Variants in ZBTB16 observed in about 807,000 individuals in gnomAD.
The protein encoded by ZBTB16 is zinc finger and BTB domain containing 16.
In ZBTB16, 8 loss-of-function variants were observed where a neutral mutation model predicts 56.8. That is an observed-to-expected ratio of 0.14 (90% CI 0.08 to 0.25). The LOEUF is 0.25. Ranked by LOEUF, ZBTB16 falls within the 10% of genes least tolerant of loss-of-function variation. The probability of loss-of-function intolerance (pLI) is 1.00; values close to 1 mark genes in which losing one functional copy is unlikely to be tolerated. For synonymous variants in ZBTB16, 363 were observed against 368.5 expected, an observed-to-expected ratio of 0.98 and a Z score of 0.17; for missense variants, 625 against 903.0, an observed-to-expected ratio of 0.69 and a Z score of 3.95.
intron 2 of ZBTB16, among the ~76,000 whole-genome samples, chr11:114,071,451 A>T (rs1446793076): frequency 6.6e-6 from 1 of 152,130 alleles, no homozygotes; most frequent in Non-Finnish European, 1.5e-5. Context: ...GGAGGGAGAA[A>T]GCTATAGTTT....
In ZBTB16 at chr11:114,252,440, A is replaced by G. The variant is rs1944933537; in HGVS notation, c.*1885A>G. ...TTGGGGTGGGGGTGTTGTTTTTCTA[A>G]AAGCTACCTCTTATGTTTGTCCAGT... On this transcript the variant is annotated 3_prime_UTR_variant, in exon 7 of 7. Coordinates refer to ENST00000335953, the MANE Select transcript of ZBTB16 (RefSeq NM_006006.6). Among the ~76,000 whole-genome samples the G allele has an allele frequency of 2.0e-5, 3 of 151,620 alleles. No individual in the cohort carries two copies. The highest frequency in any genetic ancestry group is 2.0e-4 in the Admixed American group (3 of 15,218).
At chr11:114,120,751 G>A (rs1444463583) in intron 2 of ZBTB16, among the ~76,000 whole-genome samples, 2 of 152,172 alleles carry the variant, frequency 1.3e-5, no homozygotes, top group Non-Finnish European at 2.9e-5. Flanking sequence ...CATCGAGGGA[G>A]CAGAGGGCCT....
intron 2 of ZBTB16, among the ~76,000 whole-genome samples, chr11:114,111,003 T>C (rs1485565666): frequency 6.6e-6 from 1 of 152,206 alleles, no homozygotes; most frequent in African/African-American, 2.4e-5. Flanking sequence ...CTGTTGTGCA[T>C]GTTGGGGGGA....
chr11:114,099,386 G>T (rs1940528679), intron 2 of ZBTB16, among the ~76,000 whole-genome samples: 1 of 151,608 alleles, frequency 6.6e-6, no homozygotes, highest in Non-Finnish European at 1.5e-5. Context: ...GATGTGGTCA[G>T]TTAAAAAAGG....
At position 114,215,591 on chromosome 11, in the gene ZBTB16, G is replaced by A. The variant is rs201077846; in HGVS notation, c.1454-26576G>A. Among the ~76,000 whole-genome samples, 28 of 152,312 alleles carry A rather than the reference G, an allele frequency of 1.8e-4. No individual in the cohort carries two copies. In the East Asian group the frequency reaches 4.0e-3, roughly 22 times the overall value. On this transcript the variant is annotated intron_variant, in intron 4 of 6. Coordinates refer to ENST00000335953, the MANE Select transcript of ZBTB16 (RefSeq NM_006006.6). ...TTTTGTCTTTACCCTACAACGAGAG[G>A]TAAAGAGCTTTACAGCCGCAGCAGC...
At chr11:114,114,539 A>C (rs1468098178) in intron 2 of ZBTB16, among the ~76,000 whole-genome samples, 1 of 152,232 alleles carries the variant, frequency 6.6e-6, no homozygotes, top group African/African-American at 2.4e-5. Flanking sequence ...GTTCTTATCA[A>C]AAAGTTCTTT....
Position 114,064,501 on chromosome 11 carries a change from A to C in ZBTB16, c.1201A>C (p.Thr401Pro), listed in dbSNP as rs921794589. 1 of 1,614,080 alleles carries C rather than the reference A, an allele frequency of 6.2e-7. No homozygotes were observed. Among genetic ancestry groups the C allele is most frequent in the Non-Finnish European group, 8.5e-7 (1 of 1,180,018 alleles). ...TGTGGGCATGAAGTCAGAGAGCCGG[A>C]CCATCGGAGAGCAGTGCAGCGTGTG... Reference protein sequence around the residue: ...LAVGMKSESRTIGEQCSVCGV... With the variant: ...LAVGMKSESRPIGEQCSVCGV... Residue 401 changes from threonine to proline, a missense_variant, in exon 2 of 7, where the codon ACC becomes CCC. By Grantham distance (38) the Thr-to-Pro change is conservative. Coordinates refer to ENST00000335953, the MANE Select transcript of ZBTB16 (RefSeq NM_006006.6). This position sits in a 1 kb window ranked among gnomAD's most constrained non-coding sequence, Gnocchi z 4.2.
intron 4 of ZBTB16, among the ~76,000 whole-genome samples, chr11:114,240,424 A>G (rs1422785511): frequency 6.6e-6 from 1 of 151,840 alleles, no homozygotes; most frequent in African/African-American, 2.4e-5. Flanking sequence ...TGAGCAGCCC[A>G]TGGCTTCCAG....
intron 2 of ZBTB16, among the ~76,000 whole-genome samples, chr11:114,067,785 G>A (rs552410236): frequency 1.3e-5 from 2 of 152,262 alleles, no homozygotes; most frequent in East Asian, 3.9e-4. Flanking sequence ...TGCCTTTGAT[G>A]GGAAGCTTGG....
rs144726594 is a variant in ZBTB16, at chr11:114,064,462, C to T, written c.1162C>T (p.Leu388=). Residue 388 remains leucine, a synonymous_variant, in exon 2 of 7, where the codon CTG becomes TTG. Coordinates refer to ENST00000335953, the MANE Select transcript of ZBTB16 (RefSeq NM_006006.6). The surrounding 1 kb of genome is among the most constrained non-coding windows in gnomAD (Gnocchi z 4.2). ...GFIQRELFSK[L]GELAVGMKSE... is the part of the protein sequence containing the mutation. ...CATCCAGAGGGAGCTGTTCAGCAAGCTGGGGGAGCTGGCTGTGGGCATGAA... is the reference window on the plus strand; with the variant it reads ...CATCCAGAGGGAGCTGTTCAGCAAGTTGGGGGAGCTGGCTGTGGGCATGAA... 2.2e-5 allele frequency: 36 copies of T among 1,614,026 alleles called. No homozygotes were observed. The African/African-American group carries it at 4.4e-4, about 20-fold the overall frequency.
At chr11:114,170,694 G>T (rs1294209938) in intron 3 of ZBTB16, among the ~76,000 whole-genome samples, 1 of 152,070 alleles carries the variant, frequency 6.6e-6, no homozygotes, top group Non-Finnish European at 1.5e-5. Context: ...GGGGTAGTTG[G>T]ATTAAACTTC....
At chr11:114,230,999 G>T (rs1280620986) in intron 4 of ZBTB16, among the ~76,000 whole-genome samples, 2 of 151,980 alleles carry the variant, frequency 1.3e-5, no homozygotes, top group African/African-American at 2.4e-5. Flanking sequence ...AGGTTTTTGG[G>T]TTTTTTTCCC....
At chr11:114,224,085 G>A (rs1591795423) in intron 4 of ZBTB16, among the ~76,000 whole-genome samples, 2 of 152,172 alleles carry the variant, frequency 1.3e-5, no homozygotes, top group South Asian at 4.1e-4. Context: ...ATCTTAATCA[G>A]GGGAGGGACA....
At position 114,233,079 on chromosome 11, in the gene ZBTB16, GCGCACACACA is replaced by G. The variant is rs754561786; in HGVS notation, c.1454-9086_1454-9077del. Among the ~76,000 whole-genome samples the G allele has an allele frequency of 8.4e-4, 45 of 53,784 alleles. 1 individual carries two copies. Among genetic ancestry groups the G allele is most frequent in the African/African-American group, 2.1e-3 (34 of 16,524 alleles). The allele number at this position is 53,784 out of a possible 152,430, so 35.3% of individuals were successfully genotyped here. A position where few individuals can be genotyped will look rare whatever the true frequency, so the allele number is the denominator to read the frequency against. ...TGCACATACGCATGCGCGCGCGCGC[GCGCACACACA>G]CACACACACACACACACACACACAC... is the stretch of plus-strand genomic sequence containing the variant. On this transcript the variant is annotated intron_variant, in intron 4 of 6. Transcript: ENST00000335953.
At chr11:114,153,845 A>G (rs972726134) in intron 2 of ZBTB16, among the ~76,000 whole-genome samples, 1 of 152,248 alleles carries the variant, frequency 6.6e-6, no homozygotes, top group Admixed American at 6.5e-5. Context: ...TCATCACTTT[A>G]TAGGTGATCA....
At chr11:114,113,099 G>A (rs932113497) in intron 2 of ZBTB16, among the ~76,000 whole-genome samples, 6 of 152,048 alleles carry the variant, frequency 3.9e-5, no homozygotes, top group Non-Finnish European at 8.8e-5. Flanking sequence ...TTATTCTCAA[G>A]GTACCTGCTG....
chr11:114,153,266 G>A (rs1280189778), intron 2 of ZBTB16, among the ~76,000 whole-genome samples: 1 of 152,240 alleles, frequency 6.6e-6, no homozygotes, highest in African/African-American at 2.4e-5. Context: ...TCCCAGGCCT[G>A]TGAGGTTGTT....
intron 3 of ZBTB16, among the ~76,000 whole-genome samples, chr11:114,157,562 C>T (rs1315354460): frequency 2.0e-5 from 3 of 152,204 alleles, no homozygotes; most frequent in Non-Finnish European, 4.4e-5. Context: ...TCCGCTCGTT[C>T]CCTGCCTGCC....
chr11:114,240,807 C>A (rs1289629605), intron 4 of ZBTB16, among the ~76,000 whole-genome samples: 1 of 152,130 alleles, frequency 6.6e-6, no homozygotes, highest in Non-Finnish European at 1.5e-5. Flanking sequence ...GGATGAACAG[C>A]CAGTTAGAAT....
Sources: gnomAD v4.1 joint callset for allele counts (sites outside exome capture counted in the v4.1 genomes callset) on GRCh38, gnomAD v4.1.1 for gene constraint, Gnocchi (gnomAD v3.1) non-coding constraint, MANE v1.5 for transcripts, NCBI Gene and HGNC (gene_info 2026-07-23, HGNC 2026-07-21) for gene names.